The following USH2A variants were observed in gnomAD, a reference collection of about 807,000 sequenced individuals.
The protein encoded by USH2A is Usher syndrome 2A (autosomal recessive, mild).
A neutral mutation model predicts 538.9 loss-of-function variants in USH2A; 443 were observed. The observed-to-expected ratio is 0.82, with a 90% confidence interval of 0.76 to 0.89. The LOEUF (loss-of-function observed/expected upper bound fraction) is 0.89. USH2A is among the 40% of genes least tolerant of loss of function. The pLI is 0.00. For missense variants in USH2A, 6,633 were observed against 6,324.8 expected (o/e 1.05, Z -1.65); for synonymous variants, 2,413 against 2,273.5 (o/e 1.06, Z -1.75).
chr1:216,016,305 C>A (rs1486918965), intron 32 of USH2A, among the ~76,000 whole-genome samples: 1 of 152,004 alleles, frequency 6.6e-6, no homozygotes, highest in Non-Finnish European at 1.5e-5. Flanking sequence ...AACAAACCTG[C>A]ACGTTTTGCA....
At chr1:215,915,433 G>A (rs189782485) in intron 38 of USH2A, among the ~76,000 whole-genome samples, 44 of 152,180 alleles carry the variant, frequency 2.9e-4, no homozygotes, top group Non-Finnish European at 5.0e-4. Context: ...CAAATGTGTC[G>A]TTTAAATTTT....
At chr1:216,057,197 A>C (rs2031006265) in intron 30 of USH2A, among the ~76,000 whole-genome samples, 1 of 152,222 alleles carries the variant, frequency 6.6e-6, no homozygotes, top group African/African-American at 2.4e-5. Flanking sequence ...GTTCAGGCAC[A>C]TTATGTATTC....
chr1:216,098,724 G>A (rs2032506269), intron 21 of USH2A, among the ~76,000 whole-genome samples: 1 of 152,166 alleles, frequency 6.6e-6, no homozygotes, highest in African/African-American at 2.4e-5. Context: ...AACTGACATT[G>A]AGTTCTAGTT....
chr1:216,220,404 G>T (rs1446810988), intron 14 of USH2A, among the ~76,000 whole-genome samples: 1 of 144,394 alleles, frequency 6.9e-6, no homozygotes, highest in Non-Finnish European at 1.5e-5. Flanking sequence ...TCGTATGCAA[G>T]AAAAAACGGA....
At chr1:216,149,692 G>A (rs528961906) in intron 21 of USH2A, among the ~76,000 whole-genome samples, 57 of 152,150 alleles carry the variant, frequency 3.7e-4, no homozygotes, top group African/African-American at 1.1e-3. Flanking sequence ...CAGGAAATTC[G>A]CCAGGCTGCT....
chr1:216,371,801 T>A (rs1391109743), intron 3 of USH2A, among the ~76,000 whole-genome samples: 1 of 152,154 alleles, frequency 6.6e-6, no homozygotes, highest in Non-Finnish European at 1.5e-5. Flanking sequence ...AACTAATTGA[T>A]ACCCCGAAAA....
intron 32 of USH2A, among the ~76,000 whole-genome samples, chr1:216,013,309 C>T (rs1668623140): frequency 6.7e-6 from 1 of 150,326 alleles, no homozygotes; most frequent in African/African-American, 2.4e-5. Context: ...CTCTCCCACT[C>T]TAGGTTCCCA....
chr1:215,978,891 C>T (rs1482266599), intron 35 of USH2A, among the ~76,000 whole-genome samples: 2 of 152,194 alleles, frequency 1.3e-5, no homozygotes, highest in Non-Finnish European at 2.9e-5. Context: ...ACATTTGCCA[C>T]TGCCTAGAAG....
intron 37 of USH2A, among the ~76,000 whole-genome samples, chr1:215,956,707 A>T (rs1667077283): frequency 6.6e-6 from 1 of 152,176 alleles, no homozygotes; most frequent in African/African-American, 2.4e-5. Context: ...AACAGCATAG[A>T]GTATGCACTT....
intron 58 of USH2A, 104 bp downstream of exon 58, chr1:215,758,491 A>G (rs1660878413): frequency 7.1e-7 from 1 of 1,415,452 alleles, no homozygotes; most frequent in Admixed American, 1.8e-5. Context: ...CAGGAGACCG[A>G]CTATGTCTTT....
intron 40 of USH2A, among the ~76,000 whole-genome samples, chr1:215,894,199 G>C (rs1216900282): frequency 3.3e-5 from 5 of 152,080 alleles, no homozygotes. Context: ...GAAACTTGTA[G>C]TTCCTCTTTC....
At chr1:215,861,788 C>T (rs1260401785) in intron 44 of USH2A, among the ~76,000 whole-genome samples, 1 of 149,408 alleles carries the variant, frequency 6.7e-6, no homozygotes, top group Non-Finnish European at 1.5e-5. Context: ...AAGGCTATCA[C>T]TAAAAGAAAA....
intron 61 of USH2A, among the ~76,000 whole-genome samples, chr1:215,725,628 A>G (rs1308194692): frequency 6.6e-6 from 1 of 152,244 alleles, no homozygotes; most frequent in African/African-American, 2.4e-5. Context: ...CTTTGAATAC[A>G]CACATACACA....
In USH2A at chr1:215,634,720, A is replaced by G. The variant is rs1218271214; in HGVS notation, c.15053-17T>C. On this transcript the variant is annotated splice_polypyrimidine_tract_variant and intron_variant, in intron 69 of 71. Coordinates refer to ENST00000307340, the MANE Select transcript of USH2A (RefSeq NM_206933.4). ...GGACCAAGCCTGCAAAACCCAGAGA[A>G]AGAAAGGGGAAATGTTATTTCAGAA... is the stretch of plus-strand genomic sequence containing the variant. 2 of 1,614,148 alleles carry G rather than the reference A, an allele frequency of 1.2e-6. No individual in the cohort carries two copies. The highest frequency in any genetic ancestry group is 1.1e-5 in the South Asian group (1 of 91,086).
chr1:216,109,541 T>C (rs1558263115), intron 21 of USH2A, among the ~76,000 whole-genome samples: 2 of 152,208 alleles, frequency 1.3e-5, no homozygotes, highest in Admixed American at 1.3e-4. Flanking sequence ...TTCTTGTTGT[T>C]ACCATGAAAG....
intron 61 of USH2A, among the ~76,000 whole-genome samples, chr1:215,691,489 A>AACCCACTT (rs1385402872): frequency 9.9e-5 from 15 of 152,256 alleles, no homozygotes; most frequent in African/African-American, 3.6e-4. Context: ...CACTTTATGC[A>AACCCACTT]TAGGTTTGCA....
intron 46 of USH2A, among the ~76,000 whole-genome samples, chr1:215,841,484 C>T (rs937640684): frequency 6.6e-6 from 1 of 152,136 alleles, no homozygotes. Flanking sequence ...GAAAAACTGG[C>T]TAGCCATATG....
intron 4 of USH2A, among the ~76,000 whole-genome samples, chr1:216,348,221 G>A (rs774438270): frequency 9.9e-5 from 15 of 152,116 alleles, no homozygotes; most frequent in African/African-American, 3.1e-4. Flanking sequence ...AGTGCAATAA[G>A]CATCTGTTTT....
chr1:215,658,082 A>T (rs544622167), intron 64 of USH2A, among the ~76,000 whole-genome samples: 13 of 151,450 alleles, frequency 8.6e-5, no homozygotes, highest in South Asian at 6.3e-4. Context: ...CTACAGGCGC[A>T]CGCCACCCCG....
Sources: allele counts gnomAD v4.1 joint callset (sites outside exome capture counted in the v4.1 genomes callset), GRCh38; gene constraint gnomAD v4.1.1; transcripts MANE v1.5; gene names NCBI Gene and HGNC (gene_info 2026-07-23, HGNC 2026-07-21).